ABCG5: variants seen among roughly 807,000 people sequenced by gnomAD.
ABCG5 encodes the protein ATP-binding cassette sub-family G member 5.
In ABCG5, 64 loss-of-function variants were observed where a neutral mutation model predicts 64.5. The ratio of observed to expected loss-of-function variants is 0.99; its 90% confidence interval spans 0.81 to 1.22. ABCG5 has a LOEUF of 1.22. Among genes scored for constraint, ABCG5 ranks in the 50% most tolerant of loss-of-function variants. The pLI, the probability that ABCG5 is intolerant of heterozygous loss-of-function variation, is 0.00. For synonymous variants in ABCG5, 385 were observed against 326.3 expected, an observed-to-expected ratio of 1.18 and a Z score of -1.94; for missense variants, 908 against 829.5, an observed-to-expected ratio of 1.09 and a Z score of -1.16.
At chr2:43,837,388 T>A (rs1668344421) in intron 2 of ABCG5, among the ~76,000 whole-genome samples, 1 of 152,168 alleles carries the variant, frequency 6.6e-6, no homozygotes, top group Non-Finnish European at 1.5e-5. Flanking sequence ...CTCAAGCTGC[T>A]GGGATTACAG....
At position 43,831,956 on chromosome 2, in the gene ABCG5, G is replaced by T. The variant is rs1572790209; in HGVS notation, c.393C>A (p.Tyr131Ter). Reference protein sequence around the residue: ...RREQFQDCFSYVLQSDTLLSS... With the variant: ...RREQFQDCFS ...TGGGGGACGCGCCCACCTGCAGGAC[G>T]TAGGAGAAGCAGTCCTGGAACTGCT... The change falls in exon 3 of 13, where the codon TAC becomes TAA. Residue 131 changes from tyrosine (Y) to a stop codon, truncating the protein, a stop_gained. Transcript: ENST00000405322. LOFTEE classifies it high-confidence loss of function. The T allele has an allele frequency of 2.6e-6, 4 of 1,550,042 alleles. No individual in the cohort carries two copies. In the South Asian group the frequency reaches 4.8e-5, roughly 18 times the overall value.
chr2:43,837,838 G>A lies in ABCG5; in HGVS notation c.261C>T (p.Ser87=), dbSNP rs1232276390. ...ESGQIMCILG[S]SGSGKTTLLD... The stretch of plus-strand genomic sequence containing the variant: ...AATCCTCCTTCCCAAGCTTACCTGA[G>A]CTTCCTAGGATGCACATGATCTGCC... The change falls in exon 2 of 13, where the codon AGC becomes AGT. Residue 87 remains serine (S), a synonymous_variant. Coordinates refer to ENST00000405322, the MANE Select transcript of ABCG5 (RefSeq NM_022436.3). 1 of 1,613,692 alleles carries A rather than the reference G, an allele frequency of 6.2e-7. No homozygotes were observed. The highest frequency in any genetic ancestry group is 8.5e-7 in the Non-Finnish European group (1 of 1,179,866).
At chr2:43,823,563 C>T (rs529859828) in intron 9 of ABCG5, among the ~76,000 whole-genome samples, 3 of 152,044 alleles carry the variant, frequency 2.0e-5, no homozygotes, top group African/African-American at 4.8e-5. Context: ...GAGAAGCTAA[C>T]GGTACAAAGT....
chr2:43,832,068 G>A lies in ABCG5; in HGVS notation c.281C>T (p.Thr94Met), dbSNP rs558993616. Reference sequence around the variant, plus strand: ...CCTCCCGGACATGGCGTCCAGCAGCGTGGTTTTCCCGGAGCCTGCGGGGCG... The same window carrying A: ...CCTCCCGGACATGGCGTCCAGCAGCATGGTTTTCCCGGAGCCTGCGGGGCG... ...ILGSSGSGKT[T>M]LLDAMSGRLG... is the part of the protein sequence containing the mutation. Residue 94 changes from threonine to methionine, a missense_variant, in exon 3 of 13, where the codon ACG (threonine) becomes ATG (methionine). Coordinates refer to ENST00000405322, the MANE Select transcript of ABCG5 (RefSeq NM_022436.3). The A allele has an allele frequency of 2.5e-6, 4 of 1,582,316 alleles. No individual in the cohort carries two copies. Among genetic ancestry groups the A allele is most frequent in the Non-Finnish European group, 3.4e-6 (4 of 1,164,768 alleles).
intron 4 of ABCG5, 26 bp from the exon 5 acceptor site, chr2:43,828,141 G>A (rs768612763): frequency 1.2e-6 from 2 of 1,613,662 alleles, no homozygotes; most frequent in Non-Finnish European, 1.7e-6. Flanking sequence ...ATTACAGGAA[G>A]GCTGGGAGTC....
Position 43,824,282 on chromosome 2 carries a change from GGTAACGT to G in ABCG5, c.1048_1054del (p.Thr350GlnfsTer21). ...ATCTTTGGTTTTGAAAGGAACCATT[GGTAACGT>G]TTTCAGGTGTTTCATTCTTTCAATA... On this transcript the variant is annotated frameshift_variant, in exon 8 of 13. Transcript: ENST00000405322. LOFTEE classifies it high-confidence loss of function. 1 of 1,614,172 alleles carries G rather than the reference GGTAACGT, an allele frequency of 6.2e-7. No homozygotes were observed. Among genetic ancestry groups the G allele is most frequent in the Non-Finnish European group, 8.5e-7 (1 of 1,180,022 alleles).
intron 12 of ABCG5, among the ~76,000 whole-genome samples, chr2:43,813,715 T>G (rs1239584087): frequency 1.6e-5 from 2 of 122,488 alleles, no homozygotes; most frequent in African/African-American, 6.5e-5. Flanking sequence ...TTTCGTTTTT[T>G]TTTTTTTTTT....
chr2:43,823,056 C>G, intron 9 of ABCG5, 121 bp from the exon 10 acceptor site: 1 of 1,388,122 alleles, frequency 7.2e-7, no homozygotes, highest in Admixed American at 2.0e-5. Context: ...TAGGGGGGTT[C>G]CCTAGTCATA....
At chr2:43,812,250 A>G (rs998868816), downstream of ABCG5, among the ~76,000 whole-genome samples, 2 of 151,428 alleles carry the variant, frequency 1.3e-5, no homozygotes, top group African/African-American at 4.9e-5. Context: ...ACTTTAAATA[A>G]CAGCTGATCT....
At chr2:43,820,140 T>G in intron 10 of ABCG5, 40 bp from the exon 11 acceptor site, 1 of 1,591,462 alleles carries the variant, frequency 6.3e-7, no homozygotes, top group Non-Finnish European at 8.6e-7. Context: ...CTCCAAGGGC[T>G]ATCATTTAAG....
chr2:43,813,703 TTTTTCG>T (rs1572736891), intron 12 of ABCG5, among the ~76,000 whole-genome samples: 2 of 139,952 alleles, frequency 1.4e-5, no homozygotes, highest in African/African-American at 5.6e-5. Context: ...TGGGGTTTTT[TTTTTCG>T]TTTTTTTTTT....
chr2:43,828,925 A>G (rs1443819259), intron 4 of ABCG5, among the ~76,000 whole-genome samples: 1 of 152,114 alleles, frequency 6.6e-6, no homozygotes, highest in African/African-American at 2.4e-5. Context: ...AGATGGCACC[A>G]CTGCACTCCA....
intron 11 of ABCG5, among the ~76,000 whole-genome samples, chr2:43,815,578 G>T (rs944810400): frequency 1.3e-5 from 2 of 152,176 alleles, no homozygotes; most frequent in East Asian, 1.9e-4. Flanking sequence ...ACATTGAGAG[G>T]TTGCTAATTG....
In ABCG5 at chr2:43,828,960, G is replaced by A. The variant is rs191338402; in HGVS notation, c.502-845C>T. Among the ~76,000 whole-genome samples the A allele has an allele frequency of 9.5e-4, 144 of 151,260 alleles. 2 individuals are homozygous for A. The East Asian group carries it at 0.019, about 20-fold the overall frequency. On this transcript the variant is annotated intron_variant, in intron 4 of 12. Transcript: ENST00000405322. ...AACCTGGGTGACAGAGCGAGACTCC[G>A]ATTCAAAAAAAATAATAATAAATAA...
chr2:43,827,088 G>T (rs749281974), intron 5 of ABCG5, among the ~76,000 whole-genome samples: 1 of 152,206 alleles, frequency 6.6e-6, no homozygotes, highest in Admixed American at 6.5e-5. Flanking sequence ...ACTTTGGGAG[G>T]TCAAGGCAGG....
intron 11 of ABCG5, among the ~76,000 whole-genome samples, chr2:43,816,546 T>C (rs1666843365): frequency 6.6e-6 from 1 of 152,158 alleles, no homozygotes; most frequent in Non-Finnish European, 1.5e-5. Flanking sequence ...GTTTGTGCTT[T>C]GTCTTTTTTA....
At chr2:43,822,970 C>G in intron 9 of ABCG5, 35 bp from the exon 10 acceptor site, 1 of 1,611,702 alleles carries the variant, frequency 6.2e-7, no homozygotes, top group Non-Finnish European at 8.5e-7. Flanking sequence ...AACAGTCAGT[C>G]ACCACCCAGC....
At chr2:43,831,917 G>A (rs916698804) in intron 3 of ABCG5, 30 bp downstream of exon 3, 2 of 1,547,874 alleles carry the variant, frequency 1.3e-6, no homozygotes, top group South Asian at 1.2e-5. Flanking sequence ...GGGCGGGCGG[G>A]GGGGCCAGGG....
chr2:43,837,915 G>T lies in ABCG5; in HGVS notation c.184C>A (p.Gln62Lys). 6.2e-7 allele frequency: 1 copy of T among 1,614,112 alleles called. No individual in the cohort carries two copies. The highest frequency in any genetic ancestry group is 8.5e-7 in the Non-Finnish European group (1 of 1,179,996). The change falls in exon 2 of 13, where the codon CAG (glutamine) becomes AAG (lysine). Residue 62 changes from glutamine (Q) to lysine (K), a missense_variant. Physicochemically the swap from Gln to Lys is moderately conservative, Grantham distance 53. Transcript: ENST00000405322. ...TTGAGGATCTGCCTGGTCCACTGCT[G>T]CCGGCAAGATGTGATGTCCCACCAG... Reference protein sequence around the residue: ...RPWWDITSCRQQWTRQILKDV... With the variant: ...RPWWDITSCRKQWTRQILKDV...
Sources: gnomAD v4.1 joint callset for allele counts (sites outside exome capture counted in the v4.1 genomes callset) on GRCh38, gnomAD v4.1.1 for gene constraint, MANE v1.5 for transcripts, NCBI Gene and HGNC (gene_info 2026-07-23, HGNC 2026-07-21) for gene names.